DEFB114: variants seen among roughly 807,000 people sequenced by gnomAD.
DEFB114 encodes beta-defensin 114.
A neutral mutation model predicts 2.4 loss-of-function variants in DEFB114; 4 were observed. The observed-to-expected ratio is 1.67, with a 90% CI of 0.82 to 3.82. The LOEUF (loss-of-function observed/expected upper bound fraction) is 3.82, where lower values mean the gene tolerates loss of function less well. Among genes scored for constraint, DEFB114 ranks in the 30% most tolerant of loss-of-function variants. The pLI is 0.01. For missense variants in DEFB114, 113 were observed against 85.8 expected (o/e 1.32, Z -1.25); for synonymous variants, 35 against 24.6 (o/e 1.42, Z -1.26).
intron 1 of DEFB114, among the ~76,000 whole-genome samples, chr6:49,962,440 A>G (rs912315429): frequency 6.7e-6 from 1 of 150,314 alleles, no homozygotes; most frequent in African/African-American, 2.4e-5. Context: ...TCTATTGGAC[A>G]GTCTGTCTTT....
At chr6:49,961,245 A>G (rs902004111) in intron 1 of DEFB114, among the ~76,000 whole-genome samples, 3 of 150,832 alleles carry the variant, frequency 2.0e-5, no homozygotes, top group African/African-American at 7.3e-5. Flanking sequence ...ATGTACAAAA[A>G]TAATCTATTT....
chr6:49,961,437 C>T (rs562203793), intron 1 of DEFB114, among the ~76,000 whole-genome samples: 2 of 150,362 alleles, frequency 1.3e-5, no homozygotes, highest in East Asian at 2.0e-4. Flanking sequence ...ATTTCTTCAC[C>T]TCTTTAAATG....
rs1773440847 is a variant in DEFB114 at position 49,960,523 on chromosome 6, T to C, written c.56-77A>G. Reference sequence around the variant, plus strand: ...TTACTTCTGATTTCATAGAGTATGATGTGTACATTGTATCAAGTTTAGAAA... The same window carrying C: ...TTACTTCTGATTTCATAGAGTATGACGTGTACATTGTATCAAGTTTAGAAA... On this transcript the variant is annotated intron_variant, in intron 1 of 1. Coordinates refer to ENST00000322066, the MANE Select transcript of DEFB114 (RefSeq NM_001037499.2). 9 of 1,422,482 alleles carry C rather than the reference T, an allele frequency of 6.3e-6. No homozygotes were observed. In the South Asian group the frequency reaches 7.5e-5, roughly 12 times the overall value. The allele number at this position is 1,422,482 out of a possible 1,614,324, so 88.1% of individuals were successfully genotyped here.
intron 1 of DEFB114, among the ~76,000 whole-genome samples, chr6:49,962,033 G>T (rs1325371032): frequency 1.3e-5 from 2 of 150,572 alleles, no homozygotes; most frequent in East Asian, 3.9e-4. Context: ...GAATATTCAG[G>T]TTGTTTCCCA....
intron 1 of DEFB114, among the ~76,000 whole-genome samples, chr6:49,961,971 C>T (rs1021089177): frequency 1.3e-5 from 2 of 150,708 alleles, no homozygotes; most frequent in Admixed American, 1.3e-4. Flanking sequence ...TGTTCATTAT[C>T]ATATAGTGGA....
Position 49,960,367 on chromosome 6 carries a change from C to A in DEFB114, c.135G>T (p.Lys45Asn), listed in dbSNP as rs1582336290. ...RCKRDCLESE[K>N]QIDICSLPRK... is the part of the protein sequence containing the mutation. ...TTGGTAAGGAACATATGTCTATTTG[C>A]TTTTCACTCTCAAGACAGTCTCTTT... The change falls in exon 2 of 2, where the codon AAG (lysine) becomes AAT (asparagine). Residue 45 changes from lysine to asparagine, a missense_variant. Transcript: ENST00000322066. The A allele has an allele frequency of 2.5e-6, 4 of 1,608,396 alleles. No homozygotes were observed. In the East Asian group the frequency reaches 9.0e-5, roughly 36 times the overall value.
At chr6:49,961,654 G>C (rs79622198) in intron 1 of DEFB114, among the ~76,000 whole-genome samples, 1 of 150,700 alleles carries the variant, frequency 6.6e-6, no homozygotes, top group Non-Finnish European at 1.5e-5. Context: ...AAACAAACTT[G>C]CAGAAGAGTA....
rs147111809 is a variant in DEFB114, at chr6:49,961,752, G to T, written c.56-1306C>A. On this transcript the variant is annotated intron_variant, in intron 1 of 1. Coordinates refer to ENST00000322066, the MANE Select transcript of DEFB114 (RefSeq NM_001037499.2). ...CAAGTCAAGAAATAGAACATTTCCG[G>T]CACACTTGTGCCCCCTTACAGTTAC... Among the ~76,000 whole-genome samples the T allele has an allele frequency of 2.5e-3, 382 of 150,666 alleles. 2 individuals are homozygous for T. The highest frequency in any genetic ancestry group is 8.5e-3 in the African/African-American group (352 of 41,344).
intron 1 of DEFB114, among the ~76,000 whole-genome samples, chr6:49,961,689 A>G (rs1321482066): frequency 6.6e-6 from 1 of 150,852 alleles, no homozygotes; most frequent in Non-Finnish European, 1.5e-5. Context: ...CTCAGCTAAG[A>G]GTGTTATTAA....
At chr6:49,960,951 A>G (rs1220096270) in intron 1 of DEFB114, among the ~76,000 whole-genome samples, 2 of 150,842 alleles carry the variant, frequency 1.3e-5, no homozygotes, top group African/African-American at 4.8e-5. Flanking sequence ...TTTAATTGTT[A>G]TGTCTTTATT....
At chr6:49,960,893 G>A (rs961866587) in intron 1 of DEFB114, among the ~76,000 whole-genome samples, 1 of 150,710 alleles carries the variant, frequency 6.6e-6, no homozygotes, top group African/African-American at 2.4e-5. Context: ...TAATTTTAGA[G>A]TTTTGGTACT....
At chr6:49,960,478 A>C (rs1354120269) in intron 1 of DEFB114, 32 bp from the exon 2 acceptor site, 1 of 1,567,638 alleles carries the variant, frequency 6.4e-7, no homozygotes. Context: ...AGAAATTCTA[A>C]TCTTTTATTT....
At chr6:49,963,113 C>A (rs908094675) in intron 1 of DEFB114, among the ~76,000 whole-genome samples, 15 of 149,982 alleles carry the variant, frequency 1.0e-4, no homozygotes, top group African/African-American at 3.6e-4. Context: ...CAAACTTTTC[C>A]AGATAATAGA....
chr6:49,962,695 G>C (rs1561977382), intron 1 of DEFB114, among the ~76,000 whole-genome samples: 1 of 149,888 alleles, frequency 6.7e-6, no homozygotes. Context: ...TTATTGTTTT[G>C]CCTTTTTCCA....
At chr6:49,962,034 T>C (rs2113912350) in intron 1 of DEFB114, among the ~76,000 whole-genome samples, 1 of 150,652 alleles carries the variant, frequency 6.6e-6, no homozygotes, top group East Asian at 1.9e-4. Flanking sequence ...AATATTCAGG[T>C]TGTTTCCCAT....
intron 1 of DEFB114, 45 bp downstream of exon 1, chr6:49,964,006 C>G: frequency 7.4e-7 from 1 of 1,352,030 alleles, no homozygotes; most frequent in Non-Finnish European, 1.0e-6. Context: ...ATTTCTATTT[C>G]TAGTGAGAAG....
chr6:49,963,558 C>A (rs1773495573), intron 1 of DEFB114, among the ~76,000 whole-genome samples: 1 of 149,470 alleles, frequency 6.7e-6, no homozygotes, highest in Admixed American at 6.7e-5. Flanking sequence ...ATATTAATTT[C>A]CTTGTAAACC....
rs1561977716 is a variant in DEFB114, at chr6:49,963,937, CACTT to C, written c.55+110_55+113del. ...AAACCAAGATTCAGTATAATAAAGA[CACTT>C]ATTTAATTGATAAGATTGCATTAAA... is the stretch of plus-strand genomic sequence containing the variant. On this transcript the variant is annotated intron_variant, in intron 1 of 1. Coordinates refer to ENST00000322066, the MANE Select transcript of DEFB114 (RefSeq NM_001037499.2). 89 of 748,576 alleles carry C rather than the reference CACTT, an allele frequency of 1.2e-4. 1 individual carries two copies. In the South Asian group the frequency reaches 1.5e-3, roughly 13 times the overall value. 46.4% of individuals were successfully genotyped at this position (748,576 alleles called of 1,614,324 possible). A position where few individuals can be genotyped will look rare whatever the true frequency, so the allele number is the denominator to read the frequency against.
intron 1 of DEFB114, among the ~76,000 whole-genome samples, chr6:49,962,269 G>T (rs1471646047): frequency 6.7e-6 from 1 of 150,342 alleles, no homozygotes; most frequent in Non-Finnish European, 1.5e-5. Flanking sequence ...TTTCAATTTA[G>T]TAATTATGAT....
Sources: allele counts gnomAD v4.1 joint callset (sites outside exome capture counted in the v4.1 genomes callset), GRCh38; gene constraint gnomAD v4.1.1; transcripts MANE v1.5; gene names NCBI Gene and HGNC (gene_info 2026-07-23, HGNC 2026-07-21).